Variants in RAP1GAP2 observed in about 807,000 individuals in gnomAD.
RAP1GAP2 encodes the protein RAP1 GTPase activating protein 2.
A neutral mutation model predicts 95.0 loss-of-function variants in RAP1GAP2; 27 were observed. The observed-to-expected ratio is 0.28, with a 90% CI of 0.21 to 0.39. RAP1GAP2 has a LOEUF of 0.39. Among genes scored for constraint, RAP1GAP2 ranks in the 10% least tolerant of loss-of-function variants. The pLI is 1.00. For synonymous variants in RAP1GAP2, 373 were observed against 380.9 expected, an observed-to-expected ratio of 0.98 and a Z score of 0.24; for missense variants, 771 against 970.0, an observed-to-expected ratio of 0.79 and a Z score of 2.72.
rs1486881267 is a variant in RAP1GAP2, at chr17:3,005,204, G to T, written c.1201-165G>T. ...CCACACCGTCCGGCCCCACTTCTAG[G>T]AACAGGGTCAGGGCCTGTGCTGGCG... On this transcript the variant is annotated intron_variant, in intron 14 of 24. Coordinates refer to ENST00000254695, the MANE Select transcript of RAP1GAP2 (RefSeq NM_015085.5). The surrounding 1 kb of genome is among the most constrained non-coding windows in gnomAD (Gnocchi z 5.2). 9 of 733,384 alleles carry T rather than the reference G, an allele frequency of 1.2e-5. No individual in the cohort carries two copies. The highest frequency in any genetic ancestry group is 2.2e-5 in the Non-Finnish European group (9 of 417,900). 45.4% of individuals were successfully genotyped at this position (733,384 alleles called of 1,614,324 possible).
At chr17:2,982,284 G>A (rs915750883) in intron 10 of RAP1GAP2, among the ~76,000 whole-genome samples, 2 of 152,180 alleles carry the variant, frequency 1.3e-5, no homozygotes, top group Non-Finnish European at 2.9e-5. Context: ...GACTACAGGT[G>A]TGCGCCACCA....
Position 2,952,194 on chromosome 17 carries a change from T to G in RAP1GAP2, c.166-5565T>G, listed in dbSNP as rs550278504. ...CCTGTGTCTCTCTATACAAACACATTCTTTATGTTTCATGGAAACAATGGG... is the reference window on the plus strand; with the variant it reads ...CCTGTGTCTCTCTATACAAACACATGCTTTATGTTTCATGGAAACAATGGG... On this transcript the variant is annotated intron_variant, in intron 3 of 24. Coordinates refer to ENST00000254695, the MANE Select transcript of RAP1GAP2 (RefSeq NM_015085.5). 1.4e-3 allele frequency among the ~76,000 whole-genome samples: 206 copies of G among 152,308 alleles called. 2 individuals carry two copies. Among genetic ancestry groups the G allele is most frequent in the African/African-American group, 4.8e-3 (198 of 41,558 alleles).
At chr17:3,013,294 T>C (rs1189798901) in intron 17 of RAP1GAP2, among the ~76,000 whole-genome samples, 1 of 152,192 alleles carries the variant, frequency 6.6e-6, no homozygotes, top group Admixed American at 6.5e-5. Context: ...CCAAGAATCC[T>C]TGGTCTTTGG....
intron 2 of RAP1GAP2, among the ~76,000 whole-genome samples, chr17:2,876,335 C>G (rs1031906371): frequency 6.6e-6 from 1 of 152,056 alleles, no homozygotes; most frequent in Non-Finnish European, 1.5e-5. Context: ...CCAGGAGATC[C>G]CGAGAACAAG....
In RAP1GAP2 at chr17:2,796,566, C is replaced by T. The variant is rs201517384; in HGVS notation, c.39C>T (p.Phe13=). 354 of 1,562,614 alleles carry T rather than the reference C, an allele frequency of 2.3e-4. 1 individual carries two copies. The African/African-American group carries it at 3.8e-3, about 17-fold the overall frequency. ...GRKRSVSFGG[F]GWIDKTMLAS... ...AGCGCAGTGTCTCCTTTGGGGGCTT[C>T]GGATGGTGGGTGACAGGTGGGAGGG... The change falls in exon 1 of 25, where the codon TTC becomes TTT. Residue 13 remains phenylalanine, a synonymous_variant. Transcript: ENST00000254695. The surrounding 1 kb of genome is among the most constrained non-coding windows in gnomAD (Gnocchi z 4.7).
intron 2 of RAP1GAP2, among the ~76,000 whole-genome samples, chr17:2,893,177 G>A (rs905182330): frequency 3.3e-5 from 5 of 151,900 alleles, no homozygotes; most frequent in East Asian, 1.9e-4. Flanking sequence ...ACAGGCACCC[G>A]CCACCAGCTA....
chr17:2,982,558 G>A (rs184926138), intron 10 of RAP1GAP2, among the ~76,000 whole-genome samples: 37 of 152,244 alleles, frequency 2.4e-4, no homozygotes, highest in Admixed American at 2.2e-3. Flanking sequence ...CGTCTTCCAC[G>A]TGCCTCTGTT....
At chr17:2,858,603 G>T (rs2151612577) in intron 2 of RAP1GAP2, among the ~76,000 whole-genome samples, 1 of 152,100 alleles carries the variant, frequency 6.6e-6, no homozygotes, top group South Asian at 2.1e-4. Flanking sequence ...ATTTCAATTT[G>T]TATCTTAAAG....
Position 2,992,959 on chromosome 17 carries a change from C to A in RAP1GAP2, c.914+1562C>A, listed in dbSNP as rs901567322. ...GGCTCAGTGGCTCACGCCTGTAATC[C>A]CAGCACTTTGGGAGGCCGAGGTGGG... On this transcript the variant is annotated intron_variant, in intron 12 of 24. Coordinates refer to ENST00000254695, the MANE Select transcript of RAP1GAP2 (RefSeq NM_015085.5). 1.2e-4 allele frequency among the ~76,000 whole-genome samples: 18 copies of A among 151,794 alleles called. 1 individual carries two copies. The highest frequency in any genetic ancestry group is 2.4e-4 in the Non-Finnish European group (16 of 67,986).
chr17:2,835,614 A>G (rs1163599862), intron 2 of RAP1GAP2, among the ~76,000 whole-genome samples: 1 of 152,194 alleles, frequency 6.6e-6, no homozygotes, highest in Non-Finnish European at 1.5e-5. Flanking sequence ...ACTTCCAGCT[A>G]TTCAGGAGGC....
Position 3,027,177 on chromosome 17 carries a change from C to A in RAP1GAP2, c.2107+107C>A. 3.6e-6 allele frequency: 5 copies of A among 1,393,094 alleles called. No homozygotes were observed. Among genetic ancestry groups the A allele is most frequent in the Non-Finnish European group, 4.8e-6 (5 of 1,045,700 alleles). The allele number at this position is 1,393,094 out of a possible 1,614,324, so 86.3% of individuals were successfully genotyped here. A position where few individuals can be genotyped will look rare whatever the true frequency, so the allele number is the denominator to read the frequency against. Reference sequence around the variant, plus strand: ...GCTGAACTGGCCAGTTTTCACCCCTCCTCCCAGCTGTGAGGCCCTCCGCTC... The same window carrying A: ...GCTGAACTGGCCAGTTTTCACCCCTACTCCCAGCTGTGAGGCCCTCCGCTC... On this transcript the variant is annotated intron_variant, in intron 22 of 24. Coordinates refer to ENST00000254695, the MANE Select transcript of RAP1GAP2 (RefSeq NM_015085.5). This position sits in a 1 kb window ranked among gnomAD's most constrained non-coding sequence, Gnocchi z 5.2.
At chr17:2,809,191 G>A (rs1020906720) in intron 2 of RAP1GAP2, among the ~76,000 whole-genome samples, 14 of 152,210 alleles carry the variant, frequency 9.2e-5, no homozygotes, top group African/African-American at 2.9e-4. Context: ...TGGACAAACA[G>A]CTCCCCGGAC....
At chr17:2,759,007 A>C (rs2071199365) in intron 1 of RAP1GAP2, among the ~76,000 whole-genome samples, 1 of 151,428 alleles carries the variant, frequency 6.6e-6, no homozygotes, top group Admixed American at 6.6e-5. Context: ...GCTAACTTTT[A>C]CATCTTTTTT....
chr17:2,796,630 G>C lies in RAP1GAP2; in HGVS notation c.44+59G>C, dbSNP rs1408734457. 7.1e-6 allele frequency: 11 copies of C among 1,541,814 alleles called. No homozygotes were observed. The highest frequency in any genetic ancestry group is 9.7e-6 in the Non-Finnish European group (11 of 1,138,088). ...GGAGAGAACTTAGAAGTGAAGTCTT[G>C]TTAAGTGCATTGGCGGCCGTGGGAA... On this transcript the variant is annotated intron_variant, in intron 1 of 24. Coordinates refer to ENST00000254695, the MANE Select transcript of RAP1GAP2 (RefSeq NM_015085.5). This position sits in a 1 kb window ranked among gnomAD's most constrained non-coding sequence, Gnocchi z 4.7.
intron 1 of RAP1GAP2, among the ~76,000 whole-genome samples, chr17:2,769,419 G>A (rs1305637188): frequency 2.0e-5 from 3 of 151,430 alleles, no homozygotes; most frequent in Non-Finnish European, 3.0e-5. Context: ...GCCGGGCGTG[G>A]CGGTGGGCGC....
chr17:2,908,867 A>G (rs999394589), intron 3 of RAP1GAP2, among the ~76,000 whole-genome samples: 1 of 151,936 alleles, frequency 6.6e-6, no homozygotes, highest in Non-Finnish European at 1.5e-5. Flanking sequence ...CACCGAGCCC[A>G]GCTAATTTAA....
intron 3 of RAP1GAP2, among the ~76,000 whole-genome samples, chr17:2,947,701 A>G (rs1597691537): frequency 6.6e-6 from 1 of 150,586 alleles, no homozygotes; most frequent in African/African-American, 2.4e-5. Flanking sequence ...GTGGATGGGG[A>G]CTTCTGGACC....
chr17:2,921,055 G>A lies in RAP1GAP2; in HGVS notation c.165+15687G>A, dbSNP rs754818269. On this transcript the variant is annotated intron_variant, in intron 3 of 24. Coordinates refer to ENST00000254695, the MANE Select transcript of RAP1GAP2 (RefSeq NM_015085.5). ...GCCCCTCCCGCTGGCTTCTTCTCCC[G>A]GAGCCCCCCCGGCAGACTCTGCTCT... is the stretch of plus-strand genomic sequence containing the variant. 2.0e-5 allele frequency among the ~76,000 whole-genome samples: 3 copies of A among 152,202 alleles called. No homozygotes were observed. The South Asian group carries it at 6.2e-4, about 32-fold the overall frequency.
rs964630173 is a variant in RAP1GAP2 at position 3,008,136 on chromosome 17, G to A, written c.1485G>A (p.Glu495=). 2 of 1,613,980 alleles carry A rather than the reference G, an allele frequency of 1.2e-6. No homozygotes were observed. Among genetic ancestry groups the A allele is most frequent in the Admixed American group, 1.7e-5 (1 of 60,014 alleles). The stretch of plus-strand genomic sequence containing the variant: ...ATGGAGGCCACGGGGGGTTCCTGGA[G>A]TCTTTTAAGGTATGAGCGTCAGAGT... ...FENGGHGGFL[E]SFKRAIRVRS... Residue 495 remains glutamate, a synonymous_variant, in exon 17 of 25, where the codon GAG becomes GAA. Transcript: ENST00000254695. The surrounding 1 kb of genome is among the most constrained non-coding windows in gnomAD (Gnocchi z 4.2).
Sources: gnomAD v4.1 joint callset for allele counts (sites outside exome capture counted in the v4.1 genomes callset) on GRCh38, gnomAD v4.1.1 for gene constraint, Gnocchi (gnomAD v3.1) non-coding constraint, MANE v1.5 for transcripts, NCBI Gene and HGNC (gene_info 2026-07-23, HGNC 2026-07-21) for gene names.